Variants in LMO7 observed in about 807,000 individuals in gnomAD.
LMO7 encodes the protein LIM domain only protein 7.
A neutral mutation model predicts 206.5 loss-of-function variants in LMO7; 120 were observed. That is an observed-to-expected ratio of 0.58 (90% CI 0.50 to 0.68). LMO7 has a LOEUF of 0.68. Ranked by LOEUF, LMO7 falls within the 30% of genes least tolerant of loss-of-function variation. LMO7 has a pLI of 0.00. For synonymous variants in LMO7, 706 were observed against 681.5 expected (o/e 1.04, Z -0.56); for missense variants, 1,959 against 1,957.9 (o/e 1.00, Z -0.01).
intron 2 of LMO7, among the ~76,000 whole-genome samples, chr13:75,723,704 A>G (rs1349289449): frequency 1.3e-5 from 2 of 152,170 alleles, no homozygotes; most frequent in Non-Finnish European, 2.9e-5. Context: ...GCTCTCTAGT[A>G]TCTGTCATTG....
intron 2 of LMO7, among the ~76,000 whole-genome samples, chr13:75,625,250 A>G (rs1197403290): frequency 3.3e-5 from 5 of 152,180 alleles, no homozygotes; most frequent in Non-Finnish European, 7.4e-5. Context: ...AGCCTTTTAT[A>G]TTTATGCAGT....
intron 15 of LMO7, among the ~76,000 whole-genome samples, chr13:75,827,999 C>A (rs2058291291): frequency 6.6e-6 from 1 of 152,176 alleles, no homozygotes; most frequent in South Asian, 2.1e-4. Context: ...AAGGGTGGAA[C>A]ACAATCCTAC....
intron 11 of LMO7, among the ~76,000 whole-genome samples, chr13:75,811,210 T>C (rs494130): frequency 0.4 from 49,527 of 123,184 alleles, 9,066 homozygotes; most frequent in East Asian, 0.61. Context: ...TTCTTTCTCT[T>C]TTTTTTTTTT....
chr13:75,639,322 TAA>T (rs963943790), intron 1 of LMO7, among the ~76,000 whole-genome samples: 3 of 152,220 alleles, frequency 2.0e-5, no homozygotes, highest in Non-Finnish European at 4.4e-5. Context: ...TGAGTATATA[TAA>T]AAATTGGTGT....
chr13:75,807,696 C>G lies in LMO7; in HGVS notation c.1413C>G (p.Phe471Leu), dbSNP rs751146348. 6.2e-7 allele frequency: 1 copy of G among 1,613,820 alleles called. No homozygotes were observed. Residue 471 changes from phenylalanine (F) to leucine (L), a missense_variant, in exon 10 of 31, where the codon TTC (phenylalanine) becomes TTG (leucine). By Grantham distance (22) the Phe-to-Leu change is conservative. Transcript: ENST00000377534. ...TCTTTGTCAGAAAGACTGGGGCTTT[C>G]CATGCAAATCCATATGTTCTCCGAG... is the stretch of plus-strand genomic sequence containing the variant. ...DDFFVRKTGAFHANPYVLRAF... is the reference protein window; with the variant it reads ...DDFFVRKTGALHANPYVLRAF...
chr13:75,705,207 C>T (rs992025041), intron 1 of LMO7, among the ~76,000 whole-genome samples: 2 of 150,688 alleles, frequency 1.3e-5, no homozygotes, highest in Non-Finnish European at 3.0e-5. Flanking sequence ...GCTGGAAGCA[C>T]GAGCCTACAC....
At chr13:75,843,682 C>G (rs1006320791) in intron 25 of LMO7, among the ~76,000 whole-genome samples, 1 of 152,144 alleles carries the variant, frequency 6.6e-6, no homozygotes, top group African/African-American at 2.4e-5. Context: ...TTAAAATTTC[C>G]TAAAACATTG....
chr13:75,853,491 A>C (rs1358975859), intron 28 of LMO7, 103 bp downstream of exon 28: 2 of 1,126,964 alleles, frequency 1.8e-6, no homozygotes, highest in African/African-American at 3.2e-5. Context: ...AAGAAAAAGA[A>C]GCCCTTTTGA....
chr13:75,776,176 T>TATATATATATATATAG (rs2050423052), intron 4 of LMO7, among the ~76,000 whole-genome samples: 1 of 64,454 alleles, frequency 1.6e-5, no homozygotes, highest in Non-Finnish European at 2.9e-5. Flanking sequence ...TATATATATA[T>TATATATATATATATAG]ATATATATAT....
intron 3 of LMO7, among the ~76,000 whole-genome samples, chr13:75,754,071 C>T (rs2047484412): frequency 6.6e-6 from 1 of 152,008 alleles, no homozygotes; most frequent in Non-Finnish European, 1.5e-5. Context: ...CATTAAAAAC[C>T]ATTTTAAAGT....
intron 4 of LMO7, among the ~76,000 whole-genome samples, chr13:75,778,953 C>T (rs1228433723): frequency 1.3e-5 from 2 of 152,126 alleles, no homozygotes; most frequent in East Asian, 3.9e-4. Flanking sequence ...TAAGGCAAGA[C>T]TGGAGGCTGG....
At chr13:75,776,461 T>A (rs1220975551) in intron 4 of LMO7, among the ~76,000 whole-genome samples, 1 of 151,838 alleles carries the variant, frequency 6.6e-6, no homozygotes, top group Non-Finnish European at 1.5e-5. Context: ...AGAAGAAAGT[T>A]GGAATTATAT....
At chr13:75,621,643 C>A in exon 1 of LMO7, 1 of 1,123,580 alleles carries the variant, frequency 8.9e-7, no homozygotes, top group Non-Finnish European at 1.2e-6. Context: ...CAAATAAGTT[C>A]AATATATGGG....
At chr13:75,626,371 A>G (rs973348791) in intron 2 of LMO7, among the ~76,000 whole-genome samples, 12 of 151,598 alleles carry the variant, frequency 7.9e-5, no homozygotes, top group African/African-American at 2.9e-4. Flanking sequence ...GAAGAAGCAA[A>G]AGCAGAAACC....
intron 27 of LMO7, among the ~76,000 whole-genome samples, chr13:75,850,300 A>G (rs1013345470): frequency 8.5e-5 from 13 of 152,218 alleles, no homozygotes; most frequent in Non-Finnish European, 1.8e-4. Context: ...TGGAAATAGG[A>G]GTTCTTCTTT....
chr13:75,632,862 GTTT>G (rs10690832), upstream of LMO7, among the ~76,000 whole-genome samples: 8 of 102,152 alleles, frequency 7.8e-5, no homozygotes, highest in South Asian at 3.7e-4. Flanking sequence ...TTACTTAAAA[GTTT>G]TTTTTTTTTT....
chr13:75,797,073 A>G (rs2054111507), intron 6 of LMO7, among the ~76,000 whole-genome samples: 1 of 152,160 alleles, frequency 6.6e-6, no homozygotes, highest in Non-Finnish European at 1.5e-5. Context: ...GTATTGCTAT[A>G]CTCATCGTAA....
chr13:75,806,902 C>A, intron 9 of LMO7: 1 of 153,020 alleles, frequency 6.5e-6, no homozygotes, highest in Non-Finnish European at 1.5e-5. Context: ...AGGTGGATCA[C>A]TTGAGGTCAG....
intron 6 of LMO7, among the ~76,000 whole-genome samples, chr13:75,799,686 G>A (rs1213949289): frequency 6.6e-6 from 1 of 152,056 alleles, no homozygotes; most frequent in Non-Finnish European, 1.5e-5. Context: ...AATTGTCTCT[G>A]TATTAGTAAG....
Sources: allele counts gnomAD v4.1 joint callset (sites outside exome capture counted in the v4.1 genomes callset), GRCh38; gene constraint gnomAD v4.1.1; transcripts MANE v1.5; gene names NCBI Gene and HGNC (gene_info 2026-07-23, HGNC 2026-07-21).